Variants in DLG1 observed in about 807,000 individuals in gnomAD.
DLG1 encodes the protein discs large MAGUK scaffold protein 1, also known as disks large homolog 1.
Under a neutral mutation model 123.4 loss-of-function variants are expected in DLG1, and 42 were observed. That is an observed-to-expected ratio of 0.34 (90% CI 0.27 to 0.44). DLG1 has a LOEUF of 0.44. Ranked by LOEUF, DLG1 falls within the 20% of genes least tolerant of loss-of-function variation. The probability of loss-of-function intolerance (pLI) is 1.00; values close to 1 mark genes in which losing one functional copy is unlikely to be tolerated. For synonymous variants in DLG1, 317 were observed against 356.2 expected (o/e 0.89, Z 1.24); for missense variants, 942 against 1,082.6 (o/e 0.87, Z 1.82).
At chr3:197,160,366 A>AT (rs1561133587) in intron 5 of DLG1, among the ~76,000 whole-genome samples, 1 of 135,090 alleles carries the variant, frequency 7.4e-6, no homozygotes, top group Admixed American at 7.7e-5. Flanking sequence ...TTTCAATTCT[A>AT]TTAAAAAAAA....
intron 4 of DLG1, among the ~76,000 whole-genome samples, chr3:197,232,704 A>G (rs1221882846): frequency 6.6e-6 from 1 of 151,990 alleles, no homozygotes; most frequent in Non-Finnish European, 1.5e-5. Flanking sequence ...TTAAGGCTAC[A>G]TGATATGCAA....
At chr3:197,187,790 C>A (rs1280876518) in intron 5 of DLG1, among the ~76,000 whole-genome samples, 1 of 152,164 alleles carries the variant, frequency 6.6e-6, no homozygotes, top group Non-Finnish European at 1.5e-5. Context: ...AGAACCTTGA[C>A]ACTACTCTTA....
rs973244129 is a variant in DLG1, at chr3:197,058,325, A to T, written c.2483+1564T>A. On this transcript the variant is annotated intron_variant, in intron 23 of 24. Transcript: ENST00000667157. ...ATCTTAGATTTTCAACTTTCCTAAT[A>T]TTTGATTTTCAACATTCTTTCCTAA... Among the ~76,000 whole-genome samples the T allele has an allele frequency of 2.0e-5, 3 of 152,074 alleles. No homozygotes were observed. In the East Asian group the frequency reaches 5.8e-4, roughly 29 times the overall value.
chr3:197,279,584 C>T (rs1458262458), intron 4 of DLG1, among the ~76,000 whole-genome samples: 1 of 152,178 alleles, frequency 6.6e-6, no homozygotes, highest in South Asian at 2.1e-4. Flanking sequence ...TAAGATCTGA[C>T]GCTCACAATA....
chr3:197,197,184 T>A (rs1014259774), intron 4 of DLG1, among the ~76,000 whole-genome samples: 4 of 152,214 alleles, frequency 2.6e-5, no homozygotes, highest in African/African-American at 9.6e-5. Flanking sequence ...GACCTTTTGC[T>A]TCCGTATTTC....
chr3:197,097,848 G>C (rs986594139), intron 14 of DLG1, among the ~76,000 whole-genome samples: 16 of 151,574 alleles, frequency 1.1e-4, no homozygotes, highest in Non-Finnish European at 2.2e-4. Context: ...CCAAAGTGCT[G>C]GAATTATAGG....
At chr3:197,298,685 CTGGGAG>C (rs1778622680), upstream of DLG1, 1 of 397,102 alleles carries the variant, frequency 2.5e-6, no homozygotes, top group African/African-American at 2.1e-5. Context: ...AGGGCGGGGC[CTGGGAG>C]AGGGAGAGGG....
At chr3:197,086,771 G>A (rs544981918) in intron 15 of DLG1, among the ~76,000 whole-genome samples, 1 of 152,170 alleles carries the variant, frequency 6.6e-6, no homozygotes, top group South Asian at 2.1e-4. Context: ...ACATAGAGAA[G>A]ATGAGGGCAC....
chr3:197,287,570 C>T (rs1579405503), intron 3 of DLG1, among the ~76,000 whole-genome samples: 1 of 151,974 alleles, frequency 6.6e-6, no homozygotes, highest in South Asian at 2.1e-4. Context: ...AAGTTATTTG[C>T]AATTTACACG....
intron 3 of DLG1, among the ~76,000 whole-genome samples, chr3:197,287,039 A>G (rs534940966): frequency 7.9e-5 from 12 of 151,864 alleles, no homozygotes; most frequent in Admixed American, 1.3e-4. Context: ...TGCCTGGTTA[A>G]ATTTTTTTTT....
At chr3:197,289,341 TACACACACACACACAC>T (rs56319334) in intron 3 of DLG1, among the ~76,000 whole-genome samples, 1 of 150,286 alleles carries the variant, frequency 6.7e-6, no homozygotes, top group Non-Finnish European at 1.5e-5. Context: ...TACACGCGCA[TACACACACACACACAC>T]ACACACACAC....
chr3:197,152,232 G>C (rs2149782785), intron 5 of DLG1, among the ~76,000 whole-genome samples: 1 of 152,254 alleles, frequency 6.6e-6, no homozygotes, highest in Admixed American at 6.5e-5. Flanking sequence ...GAGTGGTAGA[G>C]GGAGGTATAG....
At chr3:197,063,173 A>G (rs996557083) in intron 22 of DLG1, among the ~76,000 whole-genome samples, 8 of 144,648 alleles carry the variant, frequency 5.5e-5, no homozygotes, top group African/African-American at 2.0e-4. Flanking sequence ...GGTTTATTGT[A>G]CCCTAAAACT....
At chr3:197,152,741 C>A (rs1425424906) in intron 5 of DLG1, among the ~76,000 whole-genome samples, 1 of 116,932 alleles carries the variant, frequency 8.6e-6, no homozygotes, top group Non-Finnish European at 1.6e-5. Flanking sequence ...CCAGCCTGGG[C>A]AACAGAGCGA....
At chr3:197,258,641 T>C (rs1217599862) in intron 4 of DLG1, among the ~76,000 whole-genome samples, 2 of 152,126 alleles carry the variant, frequency 1.3e-5, no homozygotes, top group African/African-American at 2.4e-5. Flanking sequence ...TCAACTACAC[T>C]GTCAGACTTT....
At chr3:197,243,940 T>C (rs1750280096) in intron 4 of DLG1, among the ~76,000 whole-genome samples, 1 of 152,172 alleles carries the variant, frequency 6.6e-6, no homozygotes. Context: ...TTCTGGTTGA[T>C]GAAATGCCAG....
chr3:197,151,776 C>G (rs1793975308), intron 5 of DLG1, among the ~76,000 whole-genome samples: 1 of 152,222 alleles, frequency 6.6e-6, no homozygotes, highest in South Asian at 2.1e-4. Context: ...AGTGCAGTGG[C>G]TCATGCCTGT....
At chr3:197,056,730 A>G (rs1302668586) in intron 23 of DLG1, among the ~76,000 whole-genome samples, 2 of 152,200 alleles carry the variant, frequency 1.3e-5, no homozygotes, top group Non-Finnish European at 2.9e-5. Context: ...AGCTTGTTAC[A>G]TTTTCACAAA....
chr3:197,294,994 A>C (rs1382819381), intron 3 of DLG1, among the ~76,000 whole-genome samples: 1 of 152,290 alleles, frequency 6.6e-6, no homozygotes, highest in East Asian at 1.9e-4. Flanking sequence ...CTCAATGTTG[A>C]TTTAGAAAAC....
Sources: gnomAD v4.1 joint callset for allele counts (sites outside exome capture counted in the v4.1 genomes callset) on GRCh38, gnomAD v4.1.1 for gene constraint, MANE v1.5 for transcripts, NCBI Gene and HGNC (gene_info 2026-07-23, HGNC 2026-07-21) for gene names.